The following ZDHHC14 variants were observed in gnomAD, a reference collection of about 807,000 sequenced individuals.
The protein encoded by ZDHHC14 is palmitoyltransferase ZDHHC14.
ZDHHC14 carries 16 observed loss-of-function variants against 47.7 expected under a neutral mutation model. The ratio of observed to expected loss-of-function variants is 0.34; its 90% CI spans 0.23 to 0.51. The LOEUF is 0.51. Ranked by LOEUF, ZDHHC14 falls within the 20% of genes least tolerant of loss-of-function variation. The pLI is 0.97. For synonymous variants in ZDHHC14, 293 were observed against 278.9 expected (o/e 1.05, Z -0.50); for missense variants, 515 against 662.5 (o/e 0.78, Z 2.44).
At chr6:157,411,024 C>T (rs901268971) in intron 1 of ZDHHC14, among the ~76,000 whole-genome samples, 10 of 152,252 alleles carry the variant, frequency 6.6e-5, no homozygotes, top group African/African-American at 9.6e-5. Context: ...CACAGACATC[C>T]GTTAGCTGGA....
chr6:157,551,873 C>T (rs113750850), intron 2 of ZDHHC14, among the ~76,000 whole-genome samples: 3,467 of 152,232 alleles, frequency 0.023, 132 homozygotes, highest in African/African-American at 0.079. Flanking sequence ...TAGTCTATGA[C>T]TTTGAGAAGT....
intron 2 of ZDHHC14, among the ~76,000 whole-genome samples, chr6:157,545,679 G>GA (rs746736743): frequency 9.4e-5 from 14 of 148,828 alleles, no homozygotes; most frequent in African/African-American, 9.9e-5. Context: ...CCTAAAAAAA[G>GA]AAAAAAAAAA....
rs931795651 is a variant in ZDHHC14, at chr6:157,673,110, C to G, written c.1455C>G (p.Leu485=). 3.2e-6 allele frequency: 5 copies of G among 1,573,678 alleles called. No individual in the cohort carries two copies. The highest frequency in any genetic ancestry group is 4.3e-6 in the Non-Finnish European group (5 of 1,168,776). The part of the protein sequence containing the change: ...HEDSVRGLVK[L]SSV ...ACTCTGTGCGCGGCCTGGTGAAGCT[C>G]AGCTCCGTGTGACCCACATGGCCCC... Residue 485 remains leucine, a synonymous_variant, in exon 9 of 9, where the codon CTC becomes CTG. Transcript: ENST00000359775. This position sits in a 1 kb window ranked among gnomAD's most constrained non-coding sequence, Gnocchi z 5.4.
chr6:157,450,538 T>C (rs1778780388), intron 1 of ZDHHC14, among the ~76,000 whole-genome samples: 1 of 146,042 alleles, frequency 6.8e-6, no homozygotes, highest in African/African-American at 2.5e-5. Flanking sequence ...AAAAAAATCC[T>C]GAACACTCAA....
rs145685318 is a variant in ZDHHC14, at chr6:157,408,952, G to A, written c.245+26686G>A. Among the ~76,000 whole-genome samples the A allele has an allele frequency of 3.2e-4, 49 of 152,268 alleles. 1 individual carries two copies. In the East Asian group the frequency reaches 7.7e-3, roughly 24 times the overall value. On this transcript the variant is annotated intron_variant, in intron 1 of 8. Coordinates refer to ENST00000359775, the MANE Select transcript of ZDHHC14 (RefSeq NM_024630.3). ...ATCCTTGTTCTTGGGGCCTCACATG[G>A]CAGCTGGATCTCTGGCGATTGCATC...
At chr6:157,647,976 A>G (rs1777643514) in intron 7 of ZDHHC14, among the ~76,000 whole-genome samples, 1 of 152,170 alleles carries the variant, frequency 6.6e-6, no homozygotes, top group African/African-American at 2.4e-5. Context: ...ATCCCATTCT[A>G]TGGATGAGGA....
intron 1 of ZDHHC14, among the ~76,000 whole-genome samples, chr6:157,411,789 T>A (rs1360041887): frequency 2.0e-5 from 3 of 151,252 alleles, no homozygotes; most frequent in Non-Finnish European, 4.4e-5. Flanking sequence ...TTTCCAGGCA[T>A]CTCTGATGTG....
At chr6:157,510,835 C>G (rs1202145193) in intron 1 of ZDHHC14, among the ~76,000 whole-genome samples, 1 of 152,236 alleles carries the variant, frequency 6.6e-6, no homozygotes, top group Non-Finnish European at 1.5e-5. Context: ...CACCAGTCCC[C>G]GAGTTTCCAA....
At chr6:157,473,213 T>C (rs1016001537) in intron 1 of ZDHHC14, among the ~76,000 whole-genome samples, 3 of 152,206 alleles carry the variant, frequency 2.0e-5, no homozygotes, top group Non-Finnish European at 2.9e-5. Context: ...AAGAATACAG[T>C]ATATTGTTAT....
At chr6:157,395,822 T>A (rs1393780213) in intron 1 of ZDHHC14, among the ~76,000 whole-genome samples, 1 of 152,088 alleles carries the variant, frequency 6.6e-6, no homozygotes, top group Non-Finnish European at 1.5e-5. Context: ...CCAAGTTTCT[T>A]ACTGTACTGT....
At chr6:157,633,690 GT>G (rs1383614563) in intron 5 of ZDHHC14, among the ~76,000 whole-genome samples, 2 of 152,080 alleles carry the variant, frequency 1.3e-5, no homozygotes, top group African/African-American at 2.4e-5. Flanking sequence ...TGTTTGTTTT[GT>G]TTTGTTTGAG....
chr6:157,636,074 G>C (rs959709620), intron 5 of ZDHHC14, among the ~76,000 whole-genome samples: 8 of 152,060 alleles, frequency 5.3e-5, no homozygotes, highest in African/African-American at 1.9e-4. Context: ...ACCGCATGCA[G>C]GTCCTAAAAA....
intron 1 of ZDHHC14, among the ~76,000 whole-genome samples, chr6:157,514,487 A>G (rs151096420): frequency 3.2e-4 from 48 of 152,374 alleles, no homozygotes; most frequent in Middle Eastern, 3.4e-3. Context: ...ATATCTGCCT[A>G]TTAGATTGCA....
chr6:157,506,632 C>A (rs1338042116), intron 1 of ZDHHC14, among the ~76,000 whole-genome samples: 1 of 152,188 alleles, frequency 6.6e-6, no homozygotes, highest in Non-Finnish European at 1.5e-5. Context: ...TATTAATTTG[C>A]TTCTGCTGTT....
intron 3 of ZDHHC14, among the ~76,000 whole-genome samples, chr6:157,602,684 G>C (rs1784382097): frequency 6.6e-6 from 1 of 152,090 alleles, no homozygotes; most frequent in African/African-American, 2.4e-5. Flanking sequence ...CATCCAGCCT[G>C]GCGGGGTGTG....
intron 1 of ZDHHC14, among the ~76,000 whole-genome samples, chr6:157,492,739 C>T (rs1417694381): frequency 1.3e-5 from 2 of 152,026 alleles, no homozygotes; most frequent in African/African-American, 4.8e-5. Context: ...TGCTGAGAGC[C>T]GGGAGGGGAA....
chr6:157,574,228 G>C (rs546041790), intron 2 of ZDHHC14, among the ~76,000 whole-genome samples: 80 of 151,780 alleles, frequency 5.3e-4, no homozygotes, highest in Admixed American at 7.9e-4. Flanking sequence ...TTTGAGACCA[G>C]CCTGGCCAAG....
At chr6:157,450,048 G>A (rs551665185) in intron 1 of ZDHHC14, among the ~76,000 whole-genome samples, 33 of 152,146 alleles carry the variant, frequency 2.2e-4, no homozygotes, top group African/African-American at 3.1e-4. Context: ...AGCAGTGTCC[G>A]CTATATCATA....
rs145289277 is a variant in ZDHHC14 at position 157,651,081 on chromosome 6, G to A, written c.966-2444G>A. 5.6e-3 allele frequency among the ~76,000 whole-genome samples: 853 copies of A among 152,358 alleles called. 6 individuals carry two copies. Among genetic ancestry groups the A allele is most frequent in the Non-Finnish European group, 9.6e-3 (655 of 68,032 alleles). On this transcript the variant is annotated intron_variant, in intron 7 of 8. Coordinates refer to ENST00000359775, the MANE Select transcript of ZDHHC14 (RefSeq NM_024630.3). The stretch of plus-strand genomic sequence containing the variant: ...GGGGCTCCCTCTGCGGCTCTCTTGG[G>A]CTGAGTCCTGTAGTAGTTTCCTAGG...
Sources: gnomAD v4.1 joint callset for allele counts (sites outside exome capture counted in the v4.1 genomes callset) on GRCh38, gnomAD v4.1.1 for gene constraint, Gnocchi (gnomAD v3.1) non-coding constraint, MANE v1.5 for transcripts, NCBI Gene and HGNC (gene_info 2026-07-23, HGNC 2026-07-21) for gene names.